Variants in LRMDA observed in about 807,000 individuals in gnomAD.
LRMDA encodes leucine rich melanocyte differentiation associated.
Under a neutral mutation model 29.8 loss-of-function variants are expected in LRMDA, and 18 were observed. The ratio of observed to expected loss-of-function variants is 0.60; its 90% confidence interval spans 0.42 to 0.90. The LOEUF (loss-of-function observed/expected upper bound fraction) is 0.90. Ranked by LOEUF, LRMDA falls within the 40% of genes least tolerant of loss-of-function variation. The pLI is 0.00. For synonymous variants in LRMDA, 125 were observed against 109.4 expected (o/e 1.14, Z -0.89); for missense variants, 273 against 273.9 (o/e 1.00, Z 0.02).
In LRMDA at chr10:76,254,300, T is replaced by TATACTATACTATACCATACC. The variant is rs66939986; in HGVS notation, c.517-70097_517-70096insTATACTATACCATACCATAC. Among the ~76,000 whole-genome samples, 613 of 90,606 alleles carry TATACTATACTATACCATACC rather than the reference T, an allele frequency of 6.8e-3. 5 individuals are homozygous for TATACTATACTATACCATACC. The highest frequency in any genetic ancestry group is 0.014 in the Admixed American group (131 of 9,094). 59.4% of individuals were successfully genotyped at this position (90,606 alleles called of 152,430 possible). A position where few individuals can be genotyped will look rare whatever the true frequency, so the allele number is the denominator to read the frequency against. ...TGGAAATTACTATACTATACTATAC[T>TATACTATACTATACCATACC]ATACCATACCATACCATACCATACC... On this transcript the variant is annotated intron_variant, in intron 5 of 6. Transcript: ENST00000611255.
At chr10:75,905,359 A>G (rs983568908) in intron 2 of LRMDA, among the ~76,000 whole-genome samples, 2 of 151,708 alleles carry the variant, frequency 1.3e-5, no homozygotes, top group African/African-American at 2.4e-5. Flanking sequence ...CTAGTGTTTG[A>G]CAGAACAGTA....
intron 5 of LRMDA, among the ~76,000 whole-genome samples, chr10:76,239,127 T>C (rs757607592): frequency 6.6e-6 from 1 of 152,060 alleles, no homozygotes. Context: ...CCCCAAACTG[T>C]CAGCCCTGTG....
chr10:76,029,930 C>T (rs904208455), intron 2 of LRMDA, among the ~76,000 whole-genome samples: 1 of 152,158 alleles, frequency 6.6e-6, no homozygotes, highest in African/African-American at 2.4e-5. Flanking sequence ...AGGTCTCGCT[C>T]TGTTGCCCAG....
intron 2 of LRMDA, among the ~76,000 whole-genome samples, chr10:75,700,322 C>A (rs1337227414): frequency 1.4e-4 from 21 of 147,530 alleles, no homozygotes; most frequent in Admixed American, 1.4e-3. Flanking sequence ...CATTATATGA[C>A]ATCTGTCTAA....
chr10:75,473,303 G>A (rs1485137436), intron 2 of LRMDA, among the ~76,000 whole-genome samples: 2 of 152,246 alleles, frequency 1.3e-5, no homozygotes, highest in Admixed American at 6.5e-5. Flanking sequence ...AAGGATGAAA[G>A]CTCCAGAGGT....
At chr10:76,380,241 T>A (rs1026619887) in intron 6 of LRMDA, among the ~76,000 whole-genome samples, 3 of 152,202 alleles carry the variant, frequency 2.0e-5, no homozygotes, top group African/African-American at 7.2e-5. Flanking sequence ...TAGAGTTCAA[T>A]TTAAGTTCAA....
intron 2 of LRMDA, among the ~76,000 whole-genome samples, chr10:75,511,483 T>A (rs1845225505): frequency 6.6e-6 from 1 of 152,142 alleles, no homozygotes; most frequent in Non-Finnish European, 1.5e-5. Flanking sequence ...TCAGATACCT[T>A]CCTGCTCTTA....
intron 5 of LRMDA, among the ~76,000 whole-genome samples, chr10:76,279,759 C>G (rs2132332406): frequency 6.6e-6 from 1 of 152,134 alleles, no homozygotes. Context: ...GTTGGCCAGT[C>G]TGGTCTTGAA....
chr10:76,022,508 C>T (rs1278639711), intron 2 of LRMDA, among the ~76,000 whole-genome samples: 1 of 152,170 alleles, frequency 6.6e-6, no homozygotes, highest in East Asian at 1.9e-4. Flanking sequence ...TGAAGGCAAA[C>T]ACAAATGTAG....
chr10:75,605,493 C>T (rs1225390943), intron 2 of LRMDA, among the ~76,000 whole-genome samples: 1 of 152,094 alleles, frequency 6.6e-6, no homozygotes, highest in African/African-American at 2.4e-5. Context: ...CCCCAGCAGT[C>T]GAAGGACAAG....
At chr10:76,014,047 T>A (rs1418367935) in intron 2 of LRMDA, among the ~76,000 whole-genome samples, 1 of 147,176 alleles carries the variant, frequency 6.8e-6, no homozygotes, top group Non-Finnish European at 1.5e-5. Context: ...AGAGAAGAAG[T>A]TGGTGGTCAA....
intron 5 of LRMDA, among the ~76,000 whole-genome samples, chr10:76,176,512 G>A (rs1296642054): frequency 2.6e-5 from 4 of 152,186 alleles, no homozygotes; most frequent in Admixed American, 6.5e-5. Flanking sequence ...ATAAATTGCC[G>A]GCTGGGCGCG....
At chr10:76,422,893 A>G (rs1043158862) in intron 6 of LRMDA, among the ~76,000 whole-genome samples, 1 of 152,228 alleles carries the variant, frequency 6.6e-6, no homozygotes, top group Non-Finnish European at 1.5e-5. Context: ...TTACTTCCTC[A>G]TGAAAAAAGA....
chr10:75,543,114 G>C (rs1840037332), intron 2 of LRMDA, among the ~76,000 whole-genome samples: 1 of 152,176 alleles, frequency 6.6e-6, no homozygotes, highest in Non-Finnish European at 1.5e-5. Flanking sequence ...CCTGGTAATT[G>C]CAAGCAGAGG....
At chr10:75,904,790 G>A (rs1293593195) in intron 2 of LRMDA, among the ~76,000 whole-genome samples, 1 of 152,168 alleles carries the variant, frequency 6.6e-6, no homozygotes, top group East Asian at 1.9e-4. Context: ...AGATTGATGA[G>A]CCGAGTTTTC....
chr10:76,426,316 T>C (rs1302948962), intron 6 of LRMDA, among the ~76,000 whole-genome samples: 3 of 152,214 alleles, frequency 2.0e-5, no homozygotes, highest in Non-Finnish European at 4.4e-5. Flanking sequence ...AGATGATATC[T>C]CATTGTGGTT....
chr10:75,856,360 T>A (rs1844826597), intron 2 of LRMDA, among the ~76,000 whole-genome samples: 1 of 152,174 alleles, frequency 6.6e-6, no homozygotes, highest in Non-Finnish European at 1.5e-5. Context: ...GATTTGGTTC[T>A]CTGGCAGAGA....
chr10:75,728,603 G>A (rs1842658954), intron 2 of LRMDA, among the ~76,000 whole-genome samples: 1 of 152,144 alleles, frequency 6.6e-6, no homozygotes, highest in Non-Finnish European at 1.5e-5. Flanking sequence ...GAATTACTGT[G>A]TGGATCAGGA....
intron 2 of LRMDA, among the ~76,000 whole-genome samples, chr10:75,973,640 G>T (rs536085691): frequency 2.1e-4 from 32 of 152,204 alleles, no homozygotes; most frequent in Admixed American, 1.0e-3. Context: ...GGCTGGTCTC[G>T]AATTCCTGAC....
Sources: allele counts gnomAD v4.1 joint callset (sites outside exome capture counted in the v4.1 genomes callset), GRCh38; gene constraint gnomAD v4.1.1; transcripts MANE v1.5; gene names NCBI Gene and HGNC (gene_info 2026-07-23, HGNC 2026-07-21).